Variants in NOX4 observed in about 807,000 individuals in gnomAD.
The protein encoded by NOX4 is NADPH oxidase 4.
A neutral mutation model predicts 87.6 loss-of-function variants in NOX4; 69 were observed. The ratio of observed to expected loss-of-function variants is 0.79; its 90% confidence interval spans 0.65 to 0.96. NOX4 has a LOEUF of 0.96. Ranked by LOEUF, NOX4 falls within the 40% of genes least tolerant of loss-of-function variation. NOX4 has a pLI of 0.00. For missense variants in NOX4, 680 were observed against 681.5 expected, an observed-to-expected ratio of 1.00 and a Z score of 0.02; for synonymous variants, 275 against 238.2, an observed-to-expected ratio of 1.15 and a Z score of -1.42.
intron 7 of NOX4, among the ~76,000 whole-genome samples, chr11:89,426,518 C>T (rs897094285): frequency 6.6e-6 from 1 of 152,110 alleles, no homozygotes; most frequent in African/African-American, 2.4e-5. Context: ...TGGGTCACTC[C>T]TACCCTAATA....
intron 2 of NOX4, among the ~76,000 whole-genome samples, chr11:89,466,181 T>C (rs1237922133): frequency 6.6e-6 from 1 of 152,200 alleles, no homozygotes; most frequent in Non-Finnish European, 1.5e-5. Flanking sequence ...GTCTATGATA[T>C]TTAGTTATAC....
At chr11:89,462,215 C>T (rs968457237) in intron 2 of NOX4, among the ~76,000 whole-genome samples, 21 of 151,818 alleles carry the variant, frequency 1.4e-4, no homozygotes, top group Non-Finnish European at 2.2e-4. Context: ...ACTAAAGGAA[C>T]GTAAGAGAAG....
At chr11:89,520,094 C>T in the NOX4 span, among the ~76,000 whole-genome samples, 1 of 151,864 alleles carries the variant, frequency 6.6e-6, no homozygotes, top group Non-Finnish European at 1.5e-5. Flanking sequence ...GCAAACAGTG[C>T]TTGATAGTCC....
intron 6 of NOX4, among the ~76,000 whole-genome samples, chr11:89,435,561 A>C (rs544204027): frequency 6.6e-6 from 1 of 152,264 alleles, no homozygotes; most frequent in Non-Finnish European, 1.5e-5. Context: ...GAGAAGTATT[A>C]AATTCAAGAA....
At chr11:89,508,517 A>G in the NOX4 span, among the ~76,000 whole-genome samples, 1 of 152,096 alleles carries the variant, frequency 6.6e-6, no homozygotes, top group Non-Finnish European at 1.5e-5. Flanking sequence ...TGAACGTGCC[A>G]GCTTCTAAGC....
At chr11:89,564,959 A>T in the NOX4 span, among the ~76,000 whole-genome samples, 1 of 152,124 alleles carries the variant, frequency 6.6e-6, no homozygotes, top group East Asian at 1.9e-4. Flanking sequence ...GTGAAGTGAA[A>T]ATTTTTCCCT....
chr11:89,375,584 A>G (rs1939778153), intron 11 of NOX4, among the ~76,000 whole-genome samples: 1 of 152,242 alleles, frequency 6.6e-6, no homozygotes, highest in South Asian at 2.1e-4. Context: ...CTGAGATTAC[A>G]GGCATGAGCT....
chr11:89,445,227 C>A (rs1005349013), intron 4 of NOX4, among the ~76,000 whole-genome samples: 1 of 152,010 alleles, frequency 6.6e-6, no homozygotes, highest in South Asian at 2.1e-4. Flanking sequence ...TTATAGTTCA[C>A]AATATGTGTA....
the NOX4 span, among the ~76,000 whole-genome samples, chr11:89,550,150 G>T: frequency 1.3e-5 from 2 of 151,362 alleles, no homozygotes; most frequent in Admixed American, 6.6e-5. Flanking sequence ...CCACAGCCTC[G>T]CCAGTATCGG....
the NOX4 span, among the ~76,000 whole-genome samples, chr11:89,545,917 C>G: frequency 1.3e-5 from 2 of 152,146 alleles, no homozygotes; most frequent in African/African-American, 4.8e-5. Context: ...GAAAATGAGT[C>G]TGCCTGCATT....
chr11:89,462,383 G>A (rs183403414), intron 2 of NOX4, among the ~76,000 whole-genome samples: 2 of 152,246 alleles, frequency 1.3e-5, no homozygotes. Flanking sequence ...TCAAATGTAT[G>A]CAGAAATGCA....
chr11:89,394,247 ATT>A (rs1941322050), intron 11 of NOX4, among the ~76,000 whole-genome samples: 1 of 152,174 alleles, frequency 6.6e-6, no homozygotes, highest in Non-Finnish European at 1.5e-5. Flanking sequence ...GTTTTCAGTG[ATT>A]GAGTATATAC....
the NOX4 span, among the ~76,000 whole-genome samples, chr11:89,547,683 A>G: frequency 3.3e-5 from 5 of 152,196 alleles, no homozygotes; most frequent in Non-Finnish European, 1.5e-5. Flanking sequence ...AGTAGAATCA[A>G]TTGAGCAGCT....
At chr11:89,342,227 T>G in intron 13 of NOX4, 34 bp from the exon 14 acceptor site, 1 of 1,576,558 alleles carries the variant, frequency 6.3e-7, no homozygotes, top group Non-Finnish European at 8.6e-7. Context: ...GGGAAAAAAA[T>G]GAAAATAAGT....
intron 12 of NOX4, among the ~76,000 whole-genome samples, chr11:89,358,386 C>CAAAAAAAAAAAAAAAAA (rs10558391): frequency 5.1e-5 from 4 of 78,184 alleles, no homozygotes; most frequent in African/African-American, 9.1e-5. Context: ...AACTTAATCT[C>CAAAAAAAAAAAAAAAAA]AAAAAAAAAA....
Position 89,491,306 on chromosome 11 carries a change from G to C in NOX4, c.-60C>G. ...CCGGACCGAGAAGGAGCGGGCGGCG[G>C]CCGGGGCAGCGGTTACAGTTGTGCG... On this transcript the variant is annotated 5_prime_UTR_variant, in exon 1 of 18. Coordinates refer to ENST00000263317, the MANE Select transcript of NOX4 (RefSeq NM_016931.5). 1 of 1,510,540 alleles carries C rather than the reference G, an allele frequency of 6.6e-7. No homozygotes were observed. The highest frequency in any genetic ancestry group is 1.4e-5 in the African/African-American group (1 of 72,728). The allele number at this position is 1,510,540 out of a possible 1,614,324, so 93.6% of individuals were successfully genotyped here.
At chr11:89,470,725 CT>C (rs1565332404) in intron 2 of NOX4, among the ~76,000 whole-genome samples, 1 of 151,848 alleles carries the variant, frequency 6.6e-6, no homozygotes, top group African/African-American at 2.4e-5. Flanking sequence ...GTCCAACCTC[CT>C]TTTTTTTGGT....
chr11:89,424,541 G>T (rs1043660810), intron 7 of NOX4, among the ~76,000 whole-genome samples: 1 of 151,432 alleles, frequency 6.6e-6, no homozygotes, highest in Non-Finnish European at 1.5e-5. Flanking sequence ...AATACATCTA[G>T]TGTTTCACTC....
At chr11:89,458,128 T>G (rs1223086307) in intron 2 of NOX4, among the ~76,000 whole-genome samples, 1 of 152,170 alleles carries the variant, frequency 6.6e-6, no homozygotes, top group Non-Finnish European at 1.5e-5. Flanking sequence ...AGAACAAAGC[T>G]GGAGGCCTCA....
Sources: allele counts gnomAD v4.1 joint callset (sites outside exome capture counted in the v4.1 genomes callset), GRCh38; gene constraint gnomAD v4.1.1; transcripts MANE v1.5; gene names NCBI Gene and HGNC (gene_info 2026-07-23, HGNC 2026-07-21).